ZC3H14: variants seen among roughly 807,000 people sequenced by gnomAD.
ZC3H14 encodes zinc finger CCCH-type containing 14, also known as zinc finger CCCH domain-containing protein 14.
Under a neutral mutation model 92.4 loss-of-function variants are expected in ZC3H14, and 31 were observed. That is an observed-to-expected ratio of 0.34 (90% confidence interval 0.25 to 0.45). The LOEUF is 0.45. Among genes scored for constraint, ZC3H14 ranks in the 20% least tolerant of loss-of-function variants. The pLI, the probability that ZC3H14 is intolerant of heterozygous loss-of-function variation, is 1.00. For synonymous variants in ZC3H14, 321 were observed against 300.9 expected, an observed-to-expected ratio of 1.07 and a Z score of -0.69; for missense variants, 781 against 897.3, an observed-to-expected ratio of 0.87 and a Z score of 1.66.
chr14:88,606,907 ATTTAAT>A lies in ZC3H14; in HGVS notation c.1748-331_1748-326del, dbSNP rs564783822. 2.8e-3 allele frequency among the ~76,000 whole-genome samples: 430 copies of A among 152,064 alleles called. 1 individual carries two copies. Among genetic ancestry groups the A allele is most frequent in the African/African-American group, 7.9e-3 (327 of 41,470 alleles). On this transcript the variant is annotated intron_variant, in intron 12 of 16. Coordinates refer to ENST00000251038, the MANE Select transcript of ZC3H14 (RefSeq NM_024824.5). ...ATCACCTTACCTGTTTTCAGTTTTT[ATTTAAT>A]TTTATTAGTTCCCCACTTGACGTCC...
At position 88,609,368 on chromosome 14, in the gene ZC3H14, T is replaced by C; in HGVS notation, c.1970T>C (p.Val657Ala). The C allele has an allele frequency of 6.2e-7, 1 of 1,614,090 alleles. No individual in the cohort carries two copies. The highest frequency in any genetic ancestry group is 8.5e-7 in the Non-Finnish European group (1 of 1,179,982). ...AAACCAGATTGTCCCTTCACTCATG[T>C]GAGTAGAAGAATTCCAGTACTGTCT... ...CTKPDCPFTH[V>A]SRRIPVLSPK... The change falls in exon 14 of 17, where the codon GTG becomes GCG. Residue 657 changes from valine (V) to alanine (A), a missense_variant. Coordinates refer to ENST00000251038, the MANE Select transcript of ZC3H14 (RefSeq NM_024824.5).
At position 88,615,874 on chromosome 14, in the gene ZC3H14, T is replaced by C. The variant is rs767358408; in HGVS notation, c.*4123T>C. 1.4e-5 allele frequency: 23 copies of C among 1,606,180 alleles called. No homozygotes were observed. The highest frequency in any genetic ancestry group is 1.3e-4 in the African/African-American group (10 of 74,830). On this transcript the variant is annotated 3_prime_UTR_variant, in exon 17 of 17. Transcript: ENST00000251038. ...AATAAGCTGCAATCAGAGAAGAAAA[T>C]TGCAGGGAGTTAATTATGTTTTTAG...
intron 10 of ZC3H14, among the ~76,000 whole-genome samples, chr14:88,601,544 T>C (rs1396746294): frequency 1.3e-5 from 2 of 152,242 alleles, no homozygotes; most frequent in Non-Finnish European, 2.9e-5. Context: ...TTTGGAAAAG[T>C]GGTTCAGCAG....
At chr14:88,585,762 T>C (rs1383692419) in intron 9 of ZC3H14, among the ~76,000 whole-genome samples, 5 of 152,238 alleles carry the variant, frequency 3.3e-5, no homozygotes, top group African/African-American at 1.2e-4. Context: ...TAAAAGTTAA[T>C]ATCCTGACCC....
At position 88,622,606 on chromosome 14, in the gene ZC3H14, T is replaced by C. The variant is rs769203272; in HGVS notation, c.*10855T>C. 3.8e-6 allele frequency: 6 copies of C among 1,597,224 alleles called. No homozygotes were observed. The South Asian group carries it at 6.8e-5, about 18-fold the overall frequency. On this transcript the variant is annotated 3_prime_UTR_variant, in exon 17 of 17. Coordinates refer to ENST00000251038, the MANE Select transcript of ZC3H14 (RefSeq NM_024824.5). Reference sequence around the variant, plus strand: ...TATCAGCTCATGGAACATCTTACTTTGCCTCTGCACACAGAACGAACACAA... The same window carrying C: ...TATCAGCTCATGGAACATCTTACTTCGCCTCTGCACACAGAACGAACACAA...
chr14:88,563,332 G>A lies in ZC3H14; in HGVS notation c.36+163G>A, dbSNP rs1011720259. ...CTCGTCCAGGCCGCCTCGGCCCTGG[G>A]GACATTTGCGGCCTCGGAGCGTGGC... On this transcript the variant is annotated intron_variant, in intron 1 of 16. Transcript: ENST00000251038. The A allele has an allele frequency of 1.2e-4, 174 of 1,490,262 alleles. No homozygotes were observed. The Admixed American group carries it at 3.7e-3, about 32-fold the overall frequency. 92.3% of individuals were successfully genotyped at this position (1,490,262 alleles called of 1,614,324 possible). A position where few individuals can be genotyped will look rare whatever the true frequency, so the allele number is the denominator to read the frequency against.
At position 88,618,200 on chromosome 14, in the gene ZC3H14, C is replaced by A. The variant is rs1459599603; in HGVS notation, c.*6449C>A. 1 of 1,596,710 alleles carries A rather than the reference C, an allele frequency of 6.3e-7. No individual in the cohort carries two copies. The highest frequency in any genetic ancestry group is 8.6e-7 in the Non-Finnish European group (1 of 1,165,882). ...TTCTAACTGGCCTTCAAAGTCAGTT[C>A]TTGCCTTGTGAATATATAAGTATTT... On this transcript the variant is annotated 3_prime_UTR_variant, in exon 17 of 17. Transcript: ENST00000251038.
At chr14:88,603,500 A>G (rs2084924466) in intron 12 of ZC3H14, among the ~76,000 whole-genome samples, 1 of 152,332 alleles carries the variant, frequency 6.6e-6, no homozygotes, top group African/African-American at 2.4e-5. Flanking sequence ...CACCTAATCT[A>G]TCAAGATCTT....
intron 9 of ZC3H14, chr14:88,594,324 A>G (rs2083521247): frequency 1.1e-6 from 1 of 884,952 alleles, no homozygotes; most frequent in Admixed American, 5.2e-5. Flanking sequence ...TGAAGTAAAT[A>G]ATAGAAAATT....
Position 88,621,661 on chromosome 14 carries a change from A to G in ZC3H14, c.*9910A>G, listed in dbSNP as rs1595212770. ...AATAGAATTTATTTTTTAGTTAAAA[A>G]GTAAAAGCTTAACTACAATTTAATA... On this transcript the variant is annotated 3_prime_UTR_variant, in exon 17 of 17. Coordinates refer to ENST00000251038, the MANE Select transcript of ZC3H14 (RefSeq NM_024824.5). 3 of 287,412 alleles carry G rather than the reference A, an allele frequency of 1.0e-5. No homozygotes were observed. The East Asian group carries it at 2.5e-4, about 24-fold the overall frequency. The allele number at this position is 287,412 out of a possible 1,614,324, so 17.8% of individuals were successfully genotyped here.
chr14:88,563,916 C>G (rs948798491), intron 2 of ZC3H14, among the ~76,000 whole-genome samples: 1 of 152,100 alleles, frequency 6.6e-6, no homozygotes, highest in East Asian at 1.9e-4. Flanking sequence ...TTAGTTTCCT[C>G]CGTTAAGGCT....
Position 88,596,680 on chromosome 14 carries a change from T to G in ZC3H14, c.1280-54T>G, listed in dbSNP as rs2083864161. 5 of 1,488,362 alleles carry G rather than the reference T, an allele frequency of 3.4e-6. No homozygotes were observed. The East Asian group carries it at 1.1e-4, about 34-fold the overall frequency. 92.2% of individuals were successfully genotyped at this position (1,488,362 alleles called of 1,614,324 possible). A position where few individuals can be genotyped will look rare whatever the true frequency, so the allele number is the denominator to read the frequency against. ...GAAGGATTGATTTTTGGGAACCACATGCTGGTATTGTCTGTGTTGTAAGCT... is the reference window on the plus strand; with the variant it reads ...GAAGGATTGATTTTTGGGAACCACAGGCTGGTATTGTCTGTGTTGTAAGCT... On this transcript the variant is annotated intron_variant, in intron 9 of 16. Coordinates refer to ENST00000251038, the MANE Select transcript of ZC3H14 (RefSeq NM_024824.5).
At chr14:88,599,584 T>A (rs1354675412) in intron 10 of ZC3H14, among the ~76,000 whole-genome samples, 2 of 152,170 alleles carry the variant, frequency 1.3e-5, no homozygotes, top group Admixed American at 1.3e-4. Context: ...ATGTTACACT[T>A]GGGTTCCCAT....
At position 88,572,216 on chromosome 14, in the gene ZC3H14, C is replaced by G; in HGVS notation, c.422C>G (p.Thr141Arg). ...ACAAGTTCGCAGGAGTCAAAAACCA[C>G]AAATGTCAGGTAAGAGTCTGGTGTA... ...VSTSSQESKT[T>R]NVRQTYDDGA... Residue 141 changes from threonine to arginine, a missense_variant, in exon 5 of 17, where the codon ACA becomes AGA. Coordinates refer to ENST00000251038, the MANE Select transcript of ZC3H14 (RefSeq NM_024824.5). 6.2e-7 allele frequency: 1 copy of G among 1,614,114 alleles called. No individual in the cohort carries two copies. Among genetic ancestry groups the G allele is most frequent in the Non-Finnish European group, 8.5e-7 (1 of 1,180,014 alleles).
At chr14:88,609,537 T>C (rs1445669829) in intron 14 of ZC3H14, 134 bp downstream of exon 14, 1 of 1,441,512 alleles carries the variant, frequency 6.9e-7, no homozygotes, top group Admixed American at 1.8e-5. Context: ...AACCAGTCTT[T>C]AAAGAGCAAG....
intron 7 of ZC3H14, 67 bp from the exon 8 acceptor site, chr14:88,575,773 T>C: frequency 1.5e-6 from 2 of 1,349,544 alleles, no homozygotes; most frequent in South Asian, 1.2e-5. Context: ...AAAGGCATAA[T>C]AGATGGCTGG....
intron 8 of ZC3H14, among the ~76,000 whole-genome samples, chr14:88,577,286 G>A (rs1007784822): frequency 6.6e-6 from 1 of 152,180 alleles, no homozygotes; most frequent in African/African-American, 2.4e-5. Flanking sequence ...CTAGAATGAT[G>A]AGAAGTTTAG....
rs776871046 is a variant in ZC3H14 at position 88,609,821 on chromosome 14, C to CACTAAATTGAACT, written c.2097+18_2097+19insACTAAATTGAACT. 148 of 1,609,684 alleles carry CACTAAATTGAACT rather than the reference C, an allele frequency of 9.2e-5. 1 individual carries two copies. In the African/African-American group the frequency reaches 1.7e-3, roughly 19 times the overall value. On this transcript the variant is annotated intron_variant, in intron 15 of 16. Coordinates refer to ENST00000251038, the MANE Select transcript of ZC3H14 (RefSeq NM_024824.5). ...ATCCAAAAGTAAGAACTTCTATTTT[C>CACTAAATTGAACT]TCAAATCAATTTAGTGACAACATCT...
At chr14:88,607,172 A>C in intron 12 of ZC3H14, 71 bp from the exon 13 acceptor site, 1 of 1,609,798 alleles carries the variant, frequency 6.2e-7, no homozygotes, top group Non-Finnish European at 8.5e-7. Context: ...TTTGAGGGAA[A>C]TATGTTAAAG....
Sources: allele counts gnomAD v4.1 joint callset (sites outside exome capture counted in the v4.1 genomes callset), GRCh38; gene constraint gnomAD v4.1.1; transcripts MANE v1.5; gene names NCBI Gene and HGNC (gene_info 2026-07-23, HGNC 2026-07-21).